Variants in COL4A4 observed in about 807,000 individuals in gnomAD.
COL4A4 encodes collagen type IV alpha 4 chain, also known as collagen alpha-4(IV) chain.
In COL4A4, 105 loss-of-function variants were observed where a neutral mutation model predicts 192.9. That is an observed-to-expected ratio of 0.54 (90% CI 0.46 to 0.64). COL4A4 has a LOEUF of 0.64. Ranked by LOEUF, COL4A4 falls within the 30% of genes least tolerant of loss-of-function variation. The probability of loss-of-function intolerance (pLI) is 0.00; values close to 1 mark genes in which losing one functional copy is unlikely to be tolerated. For missense variants in COL4A4, 1,967 were observed against 2,169.3 expected, an observed-to-expected ratio of 0.91 and a Z score of 1.85; for synonymous variants, 762 against 769.9, an observed-to-expected ratio of 0.99 and a Z score of 0.17.
At chr2:227,113,554 C>T (rs531639245) in intron 8 of COL4A4, among the ~76,000 whole-genome samples, 25 of 152,076 alleles carry the variant, frequency 1.6e-4, no homozygotes, top group South Asian at 2.1e-4. Context: ...TCACAAATAA[C>T]GAACATGAGG....
chr2:227,059,512 G>A lies in COL4A4; in HGVS notation c.2276C>T (p.Pro759Leu), dbSNP rs36121515. The stretch of plus-strand genomic sequence containing the variant: ...CAGGTGACCAAATGCAGGGTCTCCC[G>A]GGATTCCTTTCTGACCATTCACTCC... ...SPGVNGQKGI[P>L]GDPAFGHLGP... is the part of the protein sequence containing the mutation. Residue 759 changes from proline (P) to leucine (L), a missense_variant, in exon 28 of 48, where the codon CCG becomes CTG. Coordinates refer to ENST00000396625, the MANE Select transcript of COL4A4 (RefSeq NM_000092.5). 4.8e-3 allele frequency: 7,799 copies of A among 1,614,026 alleles called. 323 individuals carry two copies. In the African/African-American group the frequency reaches 0.089, roughly 18 times the overall value.
the COL4A4 span, among the ~76,000 whole-genome samples, chr2:226,974,587 G>T: frequency 1.1e-4 from 16 of 152,308 alleles, no homozygotes; most frequent in Non-Finnish European, 2.1e-4. Flanking sequence ...CTTCTTTAGA[G>T]TCACTTTTTC....
intron 5 of COL4A4, 51 bp from the exon 6 acceptor site, chr2:227,119,990 G>T: frequency 7.5e-7 from 1 of 1,334,070 alleles, no homozygotes; most frequent in Non-Finnish European, 1.0e-6. Flanking sequence ...AAATTAATAA[G>T]CTGATTTACT....
chr2:227,032,465 T>C (rs1356439730), intron 38 of COL4A4, among the ~76,000 whole-genome samples, 189 bp from the exon 39 acceptor site: 3 of 152,224 alleles, frequency 2.0e-5, no homozygotes, highest in African/African-American at 7.2e-5. Flanking sequence ...TGGTCAGCCA[T>C]AAGTTTTATT....
chr2:226,995,456 C>T, the COL4A4 span: 64 of 1,612,834 alleles, frequency 4.0e-5, no homozygotes, highest in Non-Finnish European at 5.4e-5. Flanking sequence ...GCCCACCACC[C>T]TACGGGTTTC....
chr2:227,119,106 C>G (rs547089144), intron 6 of COL4A4, among the ~76,000 whole-genome samples: 17 of 151,494 alleles, frequency 1.1e-4, no homozygotes, highest in African/African-American at 4.1e-4. Context: ...GTATTAAGCT[C>G]ACTACAAATA....
chr2:227,104,414 C>CAAAAAAA (rs60259710), intron 12 of COL4A4, among the ~76,000 whole-genome samples: 3 of 96,872 alleles, frequency 3.1e-5, no homozygotes, highest in East Asian at 6.2e-4. Flanking sequence ...ACTAAAAATA[C>CAAAAAAA]AAAAAAAAAA....
chr2:227,032,499 T>C (rs1283559688), intron 38 of COL4A4, among the ~76,000 whole-genome samples: 3 of 152,162 alleles, frequency 2.0e-5, no homozygotes, highest in African/African-American at 7.2e-5. Flanking sequence ...TTTTCCAGAT[T>C]TTAAAAAACA....
chr2:227,033,377 GC>G (rs1409658577), intron 38 of COL4A4, 32 bp downstream of exon 38: 1 of 1,542,314 alleles, frequency 6.5e-7, no homozygotes, highest in Non-Finnish European at 9.0e-7. Context: ...ATGGACTGAA[GC>G]TCAGTCTGTT....
chr2:227,142,799 C>G lies in COL4A4; in HGVS notation c.114+1717G>C, dbSNP rs180890099. 4.0e-5 allele frequency among the ~76,000 whole-genome samples: 6 copies of G among 151,658 alleles called. No homozygotes were observed. In the East Asian group the frequency reaches 1.2e-3, roughly 29 times the overall value. On this transcript the variant is annotated intron_variant, in intron 3 of 47. Coordinates refer to ENST00000396625, the MANE Select transcript of COL4A4 (RefSeq NM_000092.5). Reference sequence around the variant, plus strand: ...GTTCAAACAAAGAAGTTATTAATGTCTTATACTTGTAATTCCATCTTCTTT... The same window carrying G: ...GTTCAAACAAAGAAGTTATTAATGTGTTATACTTGTAATTCCATCTTCTTT...
intron 26 of COL4A4, 109 bp from the exon 27 acceptor site, chr2:227,060,352 C>A: frequency 1.3e-6 from 1 of 774,330 alleles, no homozygotes; most frequent in Non-Finnish European, 2.1e-6. Flanking sequence ...AATATTTCTA[C>A]TTTATGGAAG....
At chr2:227,044,957 TG>T (rs1293929903) in intron 35 of COL4A4, among the ~76,000 whole-genome samples, 3 of 152,202 alleles carry the variant, frequency 2.0e-5, no homozygotes, top group Non-Finnish European at 4.4e-5. Context: ...CAGGCAAATT[TG>T]GCCAAGGCAA....
chr2:227,027,033 T>G (rs1299869277), intron 42 of COL4A4, among the ~76,000 whole-genome samples: 1 of 152,130 alleles, frequency 6.6e-6, no homozygotes, highest in African/African-American at 2.4e-5. Context: ...GGTGGGCTGA[T>G]CACCTGAGGT....
chr2:227,103,194 T>C lies in COL4A4; in HGVS notation c.820A>G (p.Ile274Val), dbSNP rs531009724. The part of the protein sequence containing the change: ...DFCLYKGEKG[I>V]KGIPGMVGLP... ...CCAACCATTCCAGGAATTCCTTTTA[T>C]ACCCTAAAAATTACAATGAATATAA... The change falls in exon 14 of 48, where the codon ATA becomes GTA. Residue 274 changes from isoleucine (I) to valine (V), a missense_variant. Physicochemically the swap from Ile to Val is conservative, Grantham distance 29. Coordinates refer to ENST00000396625, the MANE Select transcript of COL4A4 (RefSeq NM_000092.5). 6.2e-7 allele frequency: 1 copy of C among 1,612,092 alleles called. No homozygotes were observed. Among genetic ancestry groups the C allele is most frequent in the Non-Finnish European group, 8.5e-7 (1 of 1,178,562 alleles).
the COL4A4 span, among the ~76,000 whole-genome samples, chr2:226,987,026 A>G: frequency 2.0e-5 from 3 of 152,224 alleles, no homozygotes; most frequent in African/African-American, 7.2e-5. Flanking sequence ...TGTCCTTTGC[A>G]GGGACATGGA....
At chr2:226,969,046 A>C in the COL4A4 span, 1 of 209,452 alleles carries the variant, frequency 4.8e-6, no homozygotes, top group African/African-American at 2.3e-5. Flanking sequence ...AGCCGGGATA[A>C]ACAAGGTGTT....
chr2:227,020,934 C>A (rs1965899120), intron 44 of COL4A4, among the ~76,000 whole-genome samples: 1 of 141,608 alleles, frequency 7.1e-6, no homozygotes. Flanking sequence ...GACTGGAGTG[C>A]AGCTCACTGC....
the COL4A4 span, among the ~76,000 whole-genome samples, chr2:226,967,544 C>T: frequency 1.6e-5 from 2 of 127,812 alleles, no homozygotes; most frequent in Non-Finnish European, 3.2e-5. Flanking sequence ...CTCCCTTATC[C>T]CACCTCTAAC....
In COL4A4 at chr2:227,088,749, C is replaced by T. The variant is rs201160539; in HGVS notation, c.1527G>A (p.Gly509=). Residue 509 remains glycine, a synonymous_variant, in exon 22 of 48, where the codon GGG becomes GGA. Transcript: ENST00000396625. ...MGPPGPPGLP[G]RQGSKGDLGL... Reference sequence around the variant, plus strand: ...CCAAGTCTCCCTTACTCCCCTGCCTCCCAGGAAGTCCTGGAGGGCCAGGGG... The same window carrying T: ...CCAAGTCTCCCTTACTCCCCTGCCTTCCAGGAAGTCCTGGAGGGCCAGGGG... The T allele has an allele frequency of 1.5e-4, 242 of 1,614,066 alleles. No homozygotes were observed. Among genetic ancestry groups the T allele is most frequent in the Non-Finnish European group, 1.9e-4 (219 of 1,179,964 alleles).
Sources: allele counts gnomAD v4.1 joint callset (sites outside exome capture counted in the v4.1 genomes callset), GRCh38; gene constraint gnomAD v4.1.1; transcripts MANE v1.5; gene names NCBI Gene and HGNC (gene_info 2026-07-23, HGNC 2026-07-21).